Variants in RMDN1 observed in about 807,000 individuals in gnomAD.
RMDN1 encodes regulator of microtubule dynamics 1, also known as regulator of microtubule dynamics protein 1.
RMDN1 carries 48 observed loss-of-function variants against 48.9 expected under a neutral mutation model. The observed-to-expected ratio is 0.98, with a 90% CI of 0.78 to 1.25. The LOEUF (loss-of-function observed/expected upper bound fraction) is 1.25. RMDN1 is among the 50% of genes most tolerant of loss of function. The probability of loss-of-function intolerance (pLI) is 0.00; values close to 1 mark genes in which losing one functional copy is unlikely to be tolerated. For missense variants in RMDN1, 418 were observed against 373.4 expected (o/e 1.12, Z -0.98); for synonymous variants, 148 against 132.6 (o/e 1.12, Z -0.80).
At chr8:86,485,568 T>C (rs1209102087) in intron 4 of RMDN1, among the ~76,000 whole-genome samples, 4 of 152,204 alleles carry the variant, frequency 2.6e-5, no homozygotes, top group East Asian at 1.9e-4. Context: ...TGAGTATCAA[T>C]TTAGAAGAAT....
intron 2 of RMDN1, chr8:86,504,499 T>C (rs747420869): frequency 2.2e-5 from 34 of 1,526,780 alleles, no homozygotes; most frequent in Non-Finnish European, 3.1e-5. Context: ...AGAGCCCATC[T>C]ATGCCACCAT....
chr8:86,487,937 T>C (rs1181480633), intron 3 of RMDN1, among the ~76,000 whole-genome samples: 4 of 152,048 alleles, frequency 2.6e-5, no homozygotes, highest in Non-Finnish European at 5.9e-5. Context: ...TATTTTTAGT[T>C]TAGGAGATGA....
chr8:86,495,775 A>C (rs943658120), intron 2 of RMDN1, among the ~76,000 whole-genome samples: 12 of 152,308 alleles, frequency 7.9e-5, no homozygotes, highest in African/African-American at 2.4e-4. Context: ...ATGCACACAT[A>C]CAACATGCAA....
chr8:86,478,966 G>T lies in RMDN1; in HGVS notation c.686C>A (p.Ala229Asp), dbSNP rs1302297695. ...AEMPWYQRRIAKMLFATPPSS... is the reference protein window; with the variant it reads ...AEMPWYQRRIDKMLFATPPSS... ...AGGAGGAGTTGCAAACAGCATTTTAGCAATTCTTCTTTGATACCAAGGCAT... is the reference window on the plus strand; with the variant it reads ...AGGAGGAGTTGCAAACAGCATTTTATCAATTCTTCTTTGATACCAAGGCAT... The change falls in exon 7 of 10, where the codon GCT becomes GAT. Residue 229 changes from alanine to aspartate, a missense_variant. Physicochemically the swap from Ala to Asp is moderately radical, Grantham distance 126. Transcript: ENST00000406452. The T allele has an allele frequency of 5.6e-6, 9 of 1,613,844 alleles. No individual in the cohort carries two copies. Among genetic ancestry groups the T allele is most frequent in the Non-Finnish European group, 6.8e-6 (8 of 1,179,910 alleles).
At chr8:86,484,061 T>C (rs1815035883) in intron 5 of RMDN1, among the ~76,000 whole-genome samples, 1 of 152,172 alleles carries the variant, frequency 6.6e-6, no homozygotes, top group African/African-American at 2.4e-5. Context: ...GCTTTCCATA[T>C]TCAGGAACTT....
chr8:86,478,788 A>G, intron 7 of RMDN1, 135 bp downstream of exon 7: 1 of 756,300 alleles, frequency 1.3e-6, no homozygotes, highest in Middle Eastern at 2.3e-4. Context: ...AAGCCTTGTG[A>G]TAACACAGTT....
At chr8:86,478,445 T>C (rs1813769177) in intron 7 of RMDN1, 1 of 152,288 alleles carries the variant, frequency 6.6e-6, no homozygotes, top group South Asian at 2.1e-4. Context: ...ATCTTATTTT[T>C]AACAAGAAAA....
chr8:86,470,035 AC>A (rs1395530190), downstream of RMDN1: 2 of 432,318 alleles, frequency 4.6e-6, no homozygotes, highest in Non-Finnish European at 6.2e-6. Context: ...ATGATTAAAA[AC>A]TCAGTTGAGA....
chr8:86,497,507 C>G (rs1817553820), intron 2 of RMDN1, among the ~76,000 whole-genome samples: 1 of 151,496 alleles, frequency 6.6e-6, no homozygotes, highest in South Asian at 2.1e-4. Flanking sequence ...TCGAGACCAG[C>G]CTGACCAACA....
At chr8:86,480,113 A>G (rs1197810118) in intron 6 of RMDN1, among the ~76,000 whole-genome samples, 164 bp downstream of exon 6, 1 of 152,104 alleles carries the variant, frequency 6.6e-6, no homozygotes, top group Non-Finnish European at 1.5e-5. Flanking sequence ...AGTATGTTCT[A>G]ACAATATATA....
chr8:86,510,747 C>T (rs545809146), upstream of RMDN1, among the ~76,000 whole-genome samples: 6 of 152,344 alleles, frequency 3.9e-5, no homozygotes, highest in East Asian at 1.9e-4. Flanking sequence ...TACACAGCAA[C>T]TGATAACTAA....
At chr8:86,470,260 C>CA, downstream of RMDN1, 1 of 1,289,340 alleles carries the variant, frequency 7.8e-7, no homozygotes, top group Non-Finnish European at 1.0e-6. Context: ...CTCAATCCAG[C>CA]AGTCAGCTCT....
At position 86,473,236 on chromosome 8, in the gene RMDN1, C is replaced by T. The variant is rs981241988; in HGVS notation, c.*1072G>A. 1.0e-6 allele frequency: 1 copy of T among 985,072 alleles called. No homozygotes were observed. The highest frequency in any genetic ancestry group is 1.2e-6 in the Non-Finnish European group (1 of 829,866). 61.0% of individuals were successfully genotyped at this position (985,072 alleles called of 1,614,324 possible). A position where few individuals can be genotyped will look rare whatever the true frequency, so the allele number is the denominator to read the frequency against. On this transcript the variant is annotated 3_prime_UTR_variant, in exon 10 of 10. Coordinates refer to ENST00000406452, the MANE Select transcript of RMDN1 (RefSeq NM_016033.3). The stretch of plus-strand genomic sequence containing the variant: ...ATTCCCAAATCCTTTGGGAAAAATC[C>T]ACCTACACACACAGTCTGTCTTTAT...
rs775749961 is a variant in RMDN1, at chr8:86,478,998, A to G, written c.654T>C (p.Phe218=). The G allele has an allele frequency of 6.2e-7, 1 of 1,613,582 alleles. No individual in the cohort carries two copies. Among genetic ancestry groups the G allele is most frequent in the Non-Finnish European group, 8.5e-7 (1 of 1,179,500 alleles). ...IHLMGIWCYT[F]AEMPWYQRRI... ...TTCTTTGATACCAAGGCATTTCGGC[A>G]AATGTATAGCACCTACAGGGAAATA... The change falls in exon 7 of 10, where the codon TTT becomes TTC. Residue 218 remains phenylalanine, a synonymous_variant. Transcript: ENST00000406452.
chr8:86,470,295 TG>T (rs1812430697), downstream of RMDN1: 6 of 1,289,088 alleles, frequency 4.7e-6, no homozygotes, highest in Non-Finnish European at 6.1e-6. Context: ...AACAATCAGG[TG>T]GGGGCTGCAC....
intron 7 of RMDN1, chr8:86,478,357 CT>C (rs1317180561): frequency 6.6e-6 from 1 of 152,184 alleles, no homozygotes. Context: ...ACAAGTACAG[CT>C]TTTTCGATTG....
intron 2 of RMDN1, chr8:86,504,997 G>C (rs1285167363): frequency 1.4e-6 from 2 of 1,469,570 alleles, no homozygotes; most frequent in South Asian, 1.1e-5. Context: ...GGTGCAGATA[G>C]ATCTGGGAAG....
upstream of RMDN1, among the ~76,000 whole-genome samples, chr8:86,513,032 C>T (rs946171180): frequency 1.3e-5 from 2 of 150,570 alleles, no homozygotes; most frequent in African/African-American, 4.9e-5. Context: ...TTAAAAAAAA[C>T]CTTCACCCAT....
chr8:86,487,589 AAAAAT>A (rs202190786), intron 3 of RMDN1, among the ~76,000 whole-genome samples: 7,386 of 152,072 alleles, frequency 0.049, 289 homozygotes, highest in African/African-American at 0.098. Flanking sequence ...ACTGTCTCAA[AAAAAT>A]AAAATAAAAT....
Sources: allele counts gnomAD v4.1 joint callset (sites outside exome capture counted in the v4.1 genomes callset), GRCh38; gene constraint gnomAD v4.1.1; transcripts MANE v1.5; gene names NCBI Gene and HGNC (gene_info 2026-07-23, HGNC 2026-07-21).